MAP2K5: variants seen among roughly 807,000 people sequenced by gnomAD.
MAP2K5 encodes dual specificity mitogen-activated protein kinase kinase 5.
MAP2K5 carries 49 observed loss-of-function variants against 83.1 expected under a neutral mutation model. The observed-to-expected ratio is 0.59, with a 90% CI of 0.47 to 0.75. The LOEUF is 0.75. Among genes scored for constraint, MAP2K5 ranks in the 30% least tolerant of loss-of-function variants. The pLI is 0.00. For missense variants in MAP2K5, 457 were observed against 557.5 expected, an observed-to-expected ratio of 0.82 and a Z score of 1.82; for synonymous variants, 202 against 191.8, an observed-to-expected ratio of 1.05 and a Z score of -0.44.
chr15:67,722,348 ACT>A lies in MAP2K5; in HGVS notation c.1045-5565_1045-5564del, dbSNP rs1256622729. 1.4e-5 allele frequency among the ~76,000 whole-genome samples: 2 copies of A among 143,698 alleles called. No homozygotes were observed. Among genetic ancestry groups the A allele is most frequent in the African/African-American group, 5.4e-5 (2 of 37,366 alleles). The allele number at this position is 143,698 out of a possible 152,430, so 94.3% of individuals were successfully genotyped here. On this transcript the variant is annotated intron_variant, in intron 16 of 21. Coordinates refer to ENST00000178640, the MANE Select transcript of MAP2K5 (RefSeq NM_145160.3). The surrounding 1 kb of genome is among the most constrained non-coding windows in gnomAD (Gnocchi z 4.2). ...AGGCAGAAGATTAAATTAATTTGTA[ACT>A]CTTTTTTTTTTTTTTTGGTCCTGCA... is the stretch of plus-strand genomic sequence containing the variant.
At chr15:67,546,913 A>G (rs2140939477) in intron 1 of MAP2K5, among the ~76,000 whole-genome samples, 1 of 152,174 alleles carries the variant, frequency 6.6e-6, no homozygotes, top group South Asian at 2.1e-4. Context: ...AAAAATGCAA[A>G]AATTAGTGGG....
intron 11 of MAP2K5, among the ~76,000 whole-genome samples, chr15:67,656,187 G>C (rs2087071749): frequency 6.6e-6 from 1 of 152,010 alleles, no homozygotes; most frequent in Non-Finnish European, 1.5e-5. Flanking sequence ...TAAATGCCTT[G>C]GATACCACCA....
chr15:67,692,333 C>A, intron 13 of MAP2K5, 146 bp from the exon 14 acceptor site: 5 of 550,676 alleles, frequency 9.1e-6, no homozygotes, highest in East Asian at 6.2e-5. Flanking sequence ...AAAAAAAATG[C>A]TTTTCATTAA....
chr15:67,623,808 G>T (rs184068737), intron 8 of MAP2K5, among the ~76,000 whole-genome samples: 8 of 151,780 alleles, frequency 5.3e-5, no homozygotes, highest in Non-Finnish European at 1.0e-4. Context: ...TGTTGGTCAG[G>T]CTGGTCTCGA....
intron 16 of MAP2K5, 24 bp downstream of exon 16, chr15:67,703,432 T>C (rs1317413279): frequency 8.4e-6 from 13 of 1,552,470 alleles, no homozygotes; most frequent in Non-Finnish European, 1.2e-5. Flanking sequence ...ACATAGACGC[T>C]TCTGTGCATA....
At position 67,690,950 on chromosome 15, in the gene MAP2K5, T is replaced by C. The variant is rs1021560110; in HGVS notation, c.848-1529T>C. Among the ~76,000 whole-genome samples, 4 of 152,244 alleles carry C rather than the reference T, an allele frequency of 2.6e-5. No individual in the cohort carries two copies. The highest frequency in any genetic ancestry group is 4.8e-5 in the African/African-American group (2 of 41,472). ...AGTATGCTCCTACCCTGTGAACTTA[T>C]TTATTTCTTGGGGCGATGATACCGA... is the stretch of plus-strand genomic sequence containing the variant. On this transcript the variant is annotated intron_variant, in intron 13 of 21. Transcript: ENST00000178640. This position sits in a 1 kb window ranked among gnomAD's most constrained non-coding sequence, Gnocchi z 4.3.
Position 67,585,047 on chromosome 15 carries a change from G to A in MAP2K5, c.323-843G>A, listed in dbSNP as rs185297873. On this transcript the variant is annotated intron_variant, in intron 4 of 21. Transcript: ENST00000178640. ...CTCTATTTCTTGTTGTCAGAAACAG[G>A]AAAACGACATGTACATCTGAGAGAG... Among the ~76,000 whole-genome samples the A allele has an allele frequency of 1.5e-3, 155 of 106,074 alleles. 1 individual carries two copies. The highest frequency in any genetic ancestry group is 5.0e-3 in the African/African-American group (145 of 28,782). 69.6% of individuals were successfully genotyped at this position (106,074 alleles called of 152,430 possible).
rs16951157 is a variant in MAP2K5, at chr15:67,713,389, T to G, written c.1044+9981T>G. Among the ~76,000 whole-genome samples, 438 of 152,336 alleles carry G rather than the reference T, an allele frequency of 2.9e-3. 4 individuals are homozygous for G. The highest frequency in any genetic ancestry group is 9.8e-3 in the African/African-American group (409 of 41,590). ...AATGAATTGTGATCTTCTATACGTATAAGTAAACACATAAACCATGTAGAG... is the reference window on the plus strand; with the variant it reads ...AATGAATTGTGATCTTCTATACGTAGAAGTAAACACATAAACCATGTAGAG... On this transcript the variant is annotated intron_variant, in intron 16 of 21. Coordinates refer to ENST00000178640, the MANE Select transcript of MAP2K5 (RefSeq NM_145160.3).
In MAP2K5 at chr15:67,629,381, G is replaced by A. The variant is rs185869295; in HGVS notation, c.546-1507G>A. 4.7e-3 allele frequency among the ~76,000 whole-genome samples: 507 copies of A among 108,922 alleles called. 2 individuals are homozygous for A. Among genetic ancestry groups the A allele is most frequent in the African/African-American group, 0.018 (485 of 27,516 alleles). 71.5% of individuals were successfully genotyped at this position (108,922 alleles called of 152,430 possible). On this transcript the variant is annotated intron_variant, in intron 8 of 21. Coordinates refer to ENST00000178640, the MANE Select transcript of MAP2K5 (RefSeq NM_145160.3). The stretch of plus-strand genomic sequence containing the variant: ...GGAAAGTTTAAAGCATTCCAACAAA[G>A]TGATCTAATGTAGATTTTTTTTTTT...
In MAP2K5 at chr15:67,786,377, G is replaced by T. The variant is rs536296331; in HGVS notation, c.1242+13625G>T. ...GTCTGTCCTTTATTATTGGTAAAATGTAATGAGCATCTTGTTGGAGGGAAT... is the reference window on the plus strand; with the variant it reads ...GTCTGTCCTTTATTATTGGTAAAATTTAATGAGCATCTTGTTGGAGGGAAT... On this transcript the variant is annotated intron_variant, in intron 21 of 21. Transcript: ENST00000178640. This position sits in a 1 kb window ranked among gnomAD's most constrained non-coding sequence, Gnocchi z 4.7. 3.1e-4 allele frequency among the ~76,000 whole-genome samples: 47 copies of T among 152,308 alleles called. No individual in the cohort carries two copies. Among genetic ancestry groups the T allele is most frequent in the African/African-American group, 1.1e-3 (45 of 41,564 alleles).
In MAP2K5 at chr15:67,690,280, C is replaced by T. The variant is rs973270436; in HGVS notation, c.848-2199C>T. Among the ~76,000 whole-genome samples, 24 of 152,178 alleles carry T rather than the reference C, an allele frequency of 1.6e-4. No individual in the cohort carries two copies. Among genetic ancestry groups the T allele is most frequent in the African/African-American group, 5.3e-4 (22 of 41,444 alleles). On this transcript the variant is annotated intron_variant, in intron 13 of 21. Transcript: ENST00000178640. The surrounding 1 kb of genome is among the most constrained non-coding windows in gnomAD (Gnocchi z 4.3). ...AGTTCAGCAAACATTTAAGTGTCTA[C>T]TGTGGCTATGATGTGTTGTGCTAAC...
rs1188390402 is a variant in MAP2K5 at position 67,778,188 on chromosome 15, C to T, written c.1242+5436C>T. 1.3e-5 allele frequency among the ~76,000 whole-genome samples: 2 copies of T among 152,212 alleles called. No homozygotes were observed. Among genetic ancestry groups the T allele is most frequent in the East Asian group, 1.9e-4 (1 of 5,204 alleles). On this transcript the variant is annotated intron_variant, in intron 21 of 21. Transcript: ENST00000178640. This position sits in a 1 kb window ranked among gnomAD's most constrained non-coding sequence, Gnocchi z 5.0. ...TACTAAGAGATGTTAACTTGTTTAA[C>T]TCCTCTAAATTAAATTGTCACTGGT...
At chr15:67,557,195 A>G (rs932963006) in intron 2 of MAP2K5, among the ~76,000 whole-genome samples, 2 of 152,218 alleles carry the variant, frequency 1.3e-5, no homozygotes, top group South Asian at 2.1e-4. Context: ...TTTCCTGTGC[A>G]TATCTGTTAC....
intron 11 of MAP2K5, among the ~76,000 whole-genome samples, chr15:67,649,664 G>A (rs62016197): frequency 0.022 from 3,380 of 152,118 alleles, 58 homozygotes; most frequent in African/African-American, 0.039. Flanking sequence ...AGATCAATGC[G>A]TATACATCTC....
chr15:67,586,330 C>T lies in MAP2K5; in HGVS notation c.363+400C>T, dbSNP rs1001848688. 2.6e-5 allele frequency among the ~76,000 whole-genome samples: 4 copies of T among 152,138 alleles called. No individual in the cohort carries two copies. In the East Asian group the frequency reaches 7.7e-4, roughly 29 times the overall value. On this transcript the variant is annotated intron_variant, in intron 5 of 21. Coordinates refer to ENST00000178640, the MANE Select transcript of MAP2K5 (RefSeq NM_145160.3). ...TATATCTAGTTAATGTCTTTTCATTCTGTGTATTTTGAATTCTGGATTTCT... is the reference window on the plus strand; with the variant it reads ...TATATCTAGTTAATGTCTTTTCATTTTGTGTATTTTGAATTCTGGATTTCT...
Position 67,702,412 on chromosome 15 carries a change from G to T in MAP2K5, c.973-925G>T, listed in dbSNP as rs2088443867. Among the ~76,000 whole-genome samples, 1 of 152,122 alleles carries T rather than the reference G, an allele frequency of 6.6e-6. No homozygotes were observed. The highest frequency in any genetic ancestry group is 1.5e-5 in the Non-Finnish European group (1 of 68,016). ...GCCAGTTCCATATGAATACATCCTG[G>T]TATCTATTGAATTGGATATTGGGGT... On this transcript the variant is annotated intron_variant, in intron 15 of 21. Transcript: ENST00000178640. The surrounding 1 kb of genome is among the most constrained non-coding windows in gnomAD (Gnocchi z 4.6).
chr15:67,788,888 C>T (rs1370135909), intron 21 of MAP2K5, among the ~76,000 whole-genome samples: 1 of 151,192 alleles, frequency 6.6e-6, no homozygotes, highest in Non-Finnish European at 1.5e-5. Flanking sequence ...GAGAGGATCA[C>T]TTGAGCCCAT....
intron 3 of MAP2K5, among the ~76,000 whole-genome samples, chr15:67,575,025 A>G (rs1355050943): frequency 6.6e-6 from 1 of 152,170 alleles, no homozygotes; most frequent in African/African-American, 2.4e-5. Flanking sequence ...CAGGCAGCAG[A>G]AGACAGGTCT....
chr15:67,611,446 T>C (rs2085922327), intron 8 of MAP2K5, among the ~76,000 whole-genome samples: 1 of 152,180 alleles, frequency 6.6e-6, no homozygotes. Flanking sequence ...GAAGTTTCCC[T>C]GCTCCTTTGG....
Sources: allele counts gnomAD v4.1 joint callset (sites outside exome capture counted in the v4.1 genomes callset), GRCh38; gene constraint gnomAD v4.1.1; non-coding constraint Gnocchi (gnomAD v3.1); transcripts MANE v1.5; gene names NCBI Gene and HGNC (gene_info 2026-07-23, HGNC 2026-07-21).